The following GAREM1 variants were observed in gnomAD, a reference collection of about 807,000 sequenced individuals.
GAREM1 encodes the protein GRB2 associated regulator of MAPK1 subtype 1.
A neutral mutation model predicts 71.3 loss-of-function variants in GAREM1; 26 were observed. The ratio of observed to expected loss-of-function variants is 0.36; its 90% CI spans 0.27 to 0.51. GAREM1 has a LOEUF of 0.51. GAREM1 is among the 20% of genes least tolerant of loss of function. The pLI is 0.95. For missense variants in GAREM1, 1,026 were observed against 1,103.1 expected (o/e 0.93, Z 0.99); for synonymous variants, 440 against 433.2 (o/e 1.02, Z -0.20).
At chr18:32,389,267 G>A (rs1289342369) in intron 2 of GAREM1, among the ~76,000 whole-genome samples, 1 of 152,178 alleles carries the variant, frequency 6.6e-6, no homozygotes, top group Non-Finnish European at 1.5e-5. Context: ...AATTCAACTT[G>A]TAATTAGTAG....
chr18:32,300,605 T>C lies in GAREM1; in HGVS notation c.393+9588A>G, dbSNP rs79574320. Among the ~76,000 whole-genome samples, 292 of 152,152 alleles carry C rather than the reference T, an allele frequency of 1.9e-3. 10 individuals are homozygous for C. The East Asian group carries it at 0.045, about 24-fold the overall frequency. On this transcript the variant is annotated intron_variant, in intron 3 of 5. Transcript: ENST00000269209. ...CTGTCTGTAGTTTGTTCTGCTAAAA[T>C]GAATAAAGAAAGTAACATAGGCGGG... is the stretch of plus-strand genomic sequence containing the variant.
intron 1 of GAREM1, among the ~76,000 whole-genome samples, chr18:32,423,818 T>C (rs1268909340): frequency 6.6e-6 from 1 of 152,200 alleles, no homozygotes; most frequent in African/African-American, 2.4e-5. Flanking sequence ...ATGTTAGACC[T>C]GACTATAGAG....
intron 2 of GAREM1, among the ~76,000 whole-genome samples, chr18:32,363,693 G>C: frequency 6.6e-6 from 1 of 151,732 alleles, no homozygotes; most frequent in East Asian, 1.9e-4. Flanking sequence ...CCCTGTTACA[G>C]GAACACTGGA....
intron 1 of GAREM1, among the ~76,000 whole-genome samples, chr18:32,427,885 C>T (rs1370718873): frequency 2.0e-5 from 3 of 151,952 alleles, no homozygotes; most frequent in Non-Finnish European, 4.4e-5. Context: ...TCTCAAAAAA[C>T]TTCCAACACA....
At chr18:32,371,464 T>C (rs1423109524) in intron 2 of GAREM1, among the ~76,000 whole-genome samples, 1 of 152,216 alleles carries the variant, frequency 6.6e-6, no homozygotes, top group Non-Finnish European at 1.5e-5. Flanking sequence ...AAGTATGTTG[T>C]TGTCTTCTTA....
chr18:32,287,391 G>A lies in GAREM1; in HGVS notation c.1206C>T (p.Asn402=). Reference sequence around the variant, plus strand: ...CCCCCAGGTCCCTGCAACCATGAAGGTTCACCTCACTGTTGCCATGGAGAT... The same window carrying A: ...CCCCCAGGTCCCTGCAACCATGAAGATTCACCTCACTGTTGCCATGGAGAT... ...GNNLHGNSEV[N]LHGCRDLGGD... The change falls in exon 4 of 6, where the codon AAC becomes AAT. Residue 402 remains asparagine (N), a synonymous_variant. Transcript: ENST00000269209. The surrounding 1 kb of genome is among the most constrained non-coding windows in gnomAD (Gnocchi z 5.9). 6.2e-7 allele frequency: 1 copy of A among 1,614,244 alleles called. No homozygotes were observed. The highest frequency in any genetic ancestry group is 8.5e-7 in the Non-Finnish European group (1 of 1,180,040).
chr18:32,441,084 ATAAC>A (rs1363339858), intron 1 of GAREM1, among the ~76,000 whole-genome samples: 8 of 152,350 alleles, frequency 5.3e-5, no homozygotes, highest in Admixed American at 3.3e-4. Context: ...AGTTAGTATC[ATAAC>A]TAACAGTTAA....
rs1567949078 is a variant in GAREM1 at position 32,287,058 on chromosome 18, T to C, written c.1539A>G (p.Pro513=). 3 of 1,613,590 alleles carry C rather than the reference T, an allele frequency of 1.9e-6. No individual in the cohort carries two copies. The highest frequency in any genetic ancestry group is 1.1e-5 in the South Asian group (1 of 91,004). The change falls in exon 4 of 6, where the codon CCA becomes CCG. Residue 513 remains proline (P), a synonymous_variant. Transcript: ENST00000269209. The surrounding 1 kb of genome is among the most constrained non-coding windows in gnomAD (Gnocchi z 5.9). The part of the protein sequence containing the change: ...AVKSSDTALP[P]PPVPPKSEAV... ...CTTCAGATTTGGGAGGCACTGGAGGTGGAGGTAGGGCAGTATCTGAAGACT... is the reference window on the plus strand; with the variant it reads ...CTTCAGATTTGGGAGGCACTGGAGGCGGAGGTAGGGCAGTATCTGAAGACT...
intron 2 of GAREM1, among the ~76,000 whole-genome samples, chr18:32,382,318 A>G (rs1037161769): frequency 6.6e-6 from 1 of 152,130 alleles, no homozygotes; most frequent in Non-Finnish European, 1.5e-5. Flanking sequence ...AGCTTCTTGA[A>G]GAAGGTGGTA....
At chr18:32,359,686 G>C (rs1416930320) in intron 2 of GAREM1, among the ~76,000 whole-genome samples, 1 of 152,140 alleles carries the variant, frequency 6.6e-6, no homozygotes, top group African/African-American at 2.4e-5. Flanking sequence ...ATCCTTGCTA[G>C]CACTTTGGGG....
Position 32,288,153 on chromosome 18 carries a change from C to T in GAREM1, c.444G>A (p.Leu148=). 1 of 1,613,908 alleles carries T rather than the reference C, an allele frequency of 6.2e-7. No homozygotes were observed. Among genetic ancestry groups the T allele is most frequent in the Non-Finnish European group, 8.5e-7 (1 of 1,179,926 alleles). The change falls in exon 4 of 6, where the codon CTG becomes CTA. Residue 148 remains leucine, a synonymous_variant. Transcript: ENST00000269209. ...TTAGAGTGAGTTCATCCCCAGTACA[C>T]AGGGTGATGTTGTAAACTTCAGTGT... ...NEDTEVYNIT[L]CTGDELTLMG... is the part of the protein sequence containing the mutation.
chr18:32,314,253 C>A (rs1027290985), intron 2 of GAREM1, among the ~76,000 whole-genome samples: 14 of 152,132 alleles, frequency 9.2e-5, no homozygotes, highest in African/African-American at 3.1e-4. Context: ...GCCCACTGAG[C>A]TGAGCAATTC....
chr18:32,403,883 G>T (rs926937298), intron 1 of GAREM1, among the ~76,000 whole-genome samples: 4 of 152,154 alleles, frequency 2.6e-5, no homozygotes, highest in African/African-American at 9.7e-5. Context: ...ATATTTAAAG[G>T]CCAACACAGT....
At chr18:32,423,637 C>G (rs899385004) in intron 1 of GAREM1, among the ~76,000 whole-genome samples, 1 of 152,204 alleles carries the variant, frequency 6.6e-6, no homozygotes, top group South Asian at 2.1e-4. Context: ...CTGTGTAACA[C>G]AGGCAGCTGC....
chr18:32,342,590 G>A (rs1474196227), intron 2 of GAREM1, among the ~76,000 whole-genome samples: 2 of 152,180 alleles, frequency 1.3e-5, no homozygotes, highest in Non-Finnish European at 2.9e-5. Flanking sequence ...TCAGCTCACA[G>A]TGGACTCCAC....
chr18:32,295,481 T>A (rs1469081708), intron 3 of GAREM1, among the ~76,000 whole-genome samples: 2 of 152,122 alleles, frequency 1.3e-5, no homozygotes, highest in Non-Finnish European at 2.9e-5. Context: ...TAAGCTTGAA[T>A]TTTTTTCTCT....
At position 32,303,520 on chromosome 18, in the gene GAREM1, C is replaced by T. The variant is rs543274175; in HGVS notation, c.393+6673G>A. ...CGTAGTTATTAGTGTAGTAAGGTCT[C>T]CAAAAAAGTATTTGAAGTGAAGGGG... On this transcript the variant is annotated intron_variant, in intron 3 of 5. Transcript: ENST00000269209. Among the ~76,000 whole-genome samples the T allele has an allele frequency of 2.6e-5, 4 of 152,112 alleles. No individual in the cohort carries two copies. In the South Asian group the frequency reaches 8.3e-4, roughly 32 times the overall value.
intron 2 of GAREM1, among the ~76,000 whole-genome samples, chr18:32,350,336 A>G (rs1181557390): frequency 2.0e-5 from 3 of 152,148 alleles, no homozygotes; most frequent in Non-Finnish European, 4.4e-5. Context: ...CCTTAATACA[A>G]CTACTATTAC....
intron 2 of GAREM1, among the ~76,000 whole-genome samples, chr18:32,376,402 A>T (rs572052453): frequency 6.6e-6 from 1 of 152,370 alleles, no homozygotes; most frequent in South Asian, 2.1e-4. Flanking sequence ...CTCGTCACTA[A>T]AATCTGATAT....
Sources: gnomAD v4.1 joint callset for allele counts (sites outside exome capture counted in the v4.1 genomes callset) on GRCh38, gnomAD v4.1.1 for gene constraint, Gnocchi (gnomAD v3.1) non-coding constraint, MANE v1.5 for transcripts, NCBI Gene and HGNC (gene_info 2026-07-23, HGNC 2026-07-21) for gene names.